STAT4: variants seen among roughly 807,000 people sequenced by gnomAD.
STAT4 encodes the protein signal transducer and activator of transcription 4.
In STAT4, 42 loss-of-function variants were observed where a neutral mutation model predicts 110.5. The observed-to-expected ratio is 0.38, with a 90% confidence interval of 0.30 to 0.49. STAT4 has a LOEUF of 0.49. Among genes scored for constraint, STAT4 ranks in the 20% least tolerant of loss-of-function variants. The pLI, the probability that STAT4 is intolerant of heterozygous loss-of-function variation, is 0.95. For synonymous variants in STAT4, 284 were observed against 302.2 expected, an observed-to-expected ratio of 0.94 and a Z score of 0.63; for missense variants, 632 against 887.9, an observed-to-expected ratio of 0.71 and a Z score of 3.66.
chr2:191,062,244 TG>T lies in STAT4; in HGVS notation c.942-424del, dbSNP rs531337462. ...TACATTTTTTATTTTTCTGTAGAGA[TG>T]GGGGTCTTTTTATGCTGTCCAGGCT... On this transcript the variant is annotated intron_variant, in intron 9 of 23. Coordinates refer to ENST00000392320, the MANE Select transcript of STAT4 (RefSeq NM_003151.4). This position sits in a 1 kb window ranked among gnomAD's most constrained non-coding sequence, Gnocchi z 4.9. Among the ~76,000 whole-genome samples the T allele has an allele frequency of 1.7e-3, 262 of 152,142 alleles. 1 individual carries two copies. The highest frequency in any genetic ancestry group is 3.0e-3 in the Non-Finnish European group (206 of 67,988).
chr2:191,129,556 T>C (rs1698974772), intron 3 of STAT4, among the ~76,000 whole-genome samples: 1 of 152,158 alleles, frequency 6.6e-6, no homozygotes, highest in Admixed American at 6.5e-5. Context: ...GGAGAGGTGA[T>C]AAATCCATGG....
intron 3 of STAT4, among the ~76,000 whole-genome samples, chr2:191,098,837 T>A (rs1237735738): frequency 6.6e-6 from 1 of 152,016 alleles, no homozygotes; most frequent in Non-Finnish European, 1.5e-5. Context: ...CAGGATAGAA[T>A]CCCTAGAAAC....
In STAT4 at chr2:191,043,074, C is replaced by G. The variant is rs11678704; in HGVS notation, c.1252-1926G>C. Among the ~76,000 whole-genome samples the G allele has an allele frequency of 1.4e-3, 214 of 152,288 alleles. No individual in the cohort carries two copies. The highest frequency in any genetic ancestry group is 3.4e-3 in the Middle Eastern group (1 of 294). On this transcript the variant is annotated intron_variant, in intron 14 of 23. Coordinates refer to ENST00000392320, the MANE Select transcript of STAT4 (RefSeq NM_003151.4). This position sits in a 1 kb window ranked among gnomAD's most constrained non-coding sequence, Gnocchi z 4.8. ...GATTACAGGCGTGAGCCACTGCGCC[C>G]GGCCGTATTCTCTATTCCTGTATAT...
chr2:191,131,261 T>G (rs1699029438), intron 3 of STAT4, among the ~76,000 whole-genome samples: 1 of 151,820 alleles, frequency 6.6e-6, no homozygotes, highest in African/African-American at 2.4e-5. Context: ...GGACACACCA[T>G]AAGAATGTTC....
chr2:191,147,420 ATT>A lies in STAT4; in HGVS notation c.128+654_128+655del. The stretch of plus-strand genomic sequence containing the variant: ...ATAAGTCAGTTACAAAAGGAAAAAT[ATT>A]GTGTGATTCCAATTATCTAAAGTAC... On this transcript the variant is annotated intron_variant, in intron 2 of 23. Coordinates refer to ENST00000392320, the MANE Select transcript of STAT4 (RefSeq NM_003151.4). The surrounding 1 kb of genome is among the most constrained non-coding windows in gnomAD (Gnocchi z 4.1). Among the ~76,000 whole-genome samples the A allele has an allele frequency of 6.6e-6, 1 of 152,306 alleles. No individual in the cohort carries two copies. Among genetic ancestry groups the A allele is most frequent in the South Asian group, 2.1e-4 (1 of 4,830 alleles).
rs1200183985 is a variant in STAT4, at chr2:191,091,767, T to C, written c.274-15442A>G. Among the ~76,000 whole-genome samples the C allele has an allele frequency of 1.3e-5, 2 of 152,194 alleles. No homozygotes were observed. The highest frequency in any genetic ancestry group is 2.4e-5 in the African/African-American group (1 of 41,440). On this transcript the variant is annotated intron_variant, in intron 3 of 23. Coordinates refer to ENST00000392320, the MANE Select transcript of STAT4 (RefSeq NM_003151.4). This position sits in a 1 kb window ranked among gnomAD's most constrained non-coding sequence, Gnocchi z 5.4. ...ATCCTGAGTATACAGCTAGGTAAAC[T>C]GAGATAAAGAACTGTTAAGTAACTT...
Position 191,113,220 on chromosome 2 carries a change from C to T in STAT4, c.273+33393G>A, listed in dbSNP as rs1698475937. Among the ~76,000 whole-genome samples the T allele has an allele frequency of 1.3e-5, 2 of 152,226 alleles. No individual in the cohort carries two copies. Among genetic ancestry groups the T allele is most frequent in the East Asian group, 3.8e-4 (2 of 5,202 alleles). On this transcript the variant is annotated intron_variant, in intron 3 of 23. Transcript: ENST00000392320. This position sits in a 1 kb window ranked among gnomAD's most constrained non-coding sequence, Gnocchi z 4.8. ...ACTGGTGCCACTCATTCATTTGTTC[C>T]ACAAATTTGTACTGAACAGCAATTA... is the stretch of plus-strand genomic sequence containing the variant.
chr2:191,101,675 T>C (rs1287620521), intron 3 of STAT4, among the ~76,000 whole-genome samples: 5 of 152,164 alleles, frequency 3.3e-5, no homozygotes, highest in Admixed American at 3.3e-4. Context: ...TGTTAAAGTG[T>C]CCTACTACTG....
chr2:191,085,173 A>C (rs1373692309), intron 3 of STAT4, among the ~76,000 whole-genome samples: 2 of 151,826 alleles, frequency 1.3e-5, no homozygotes, highest in Non-Finnish European at 2.9e-5. Flanking sequence ...TGCTCTTTTG[A>C]AATCTTTGAA....
At position 191,033,639 on chromosome 2, in the gene STAT4, C is replaced by T. The variant is rs1355284126; in HGVS notation, c.1716-13G>A. On this transcript the variant is annotated splice_polypyrimidine_tract_variant and intron_variant, in intron 19 of 23. Transcript: ENST00000392320. This position sits in a 1 kb window ranked among gnomAD's most constrained non-coding sequence, Gnocchi z 6.9. The stretch of plus-strand genomic sequence containing the variant: ...GCCCATGACATACCTAAAAATAGAA[C>T]ATGCATTATTTCATCTGATCATTAT... 2 of 1,609,576 alleles carry T rather than the reference C, an allele frequency of 1.2e-6. No homozygotes were observed. The highest frequency in any genetic ancestry group is 1.1e-5 in the South Asian group (1 of 90,048).
At chr2:191,125,661 T>G (rs910334318) in intron 3 of STAT4, among the ~76,000 whole-genome samples, 2 of 151,802 alleles carry the variant, frequency 1.3e-5, no homozygotes, top group Non-Finnish European at 2.9e-5. Context: ...CCAACTAATT[T>G]TTTGTAGAGA....
rs1696598042 is a variant in STAT4 at position 191,053,849 on chromosome 2, C to G, written c.1251+641G>C. Among the ~76,000 whole-genome samples the G allele has an allele frequency of 6.6e-6, 1 of 152,170 alleles. No homozygotes were observed. The highest frequency in any genetic ancestry group is 1.5e-5 in the Non-Finnish European group (1 of 68,032). On this transcript the variant is annotated intron_variant, in intron 14 of 23. Transcript: ENST00000392320. The surrounding 1 kb of genome is among the most constrained non-coding windows in gnomAD (Gnocchi z 4.5). The stretch of plus-strand genomic sequence containing the variant: ...AAATTATGGAAAACTGTTCTCCGGG[C>G]TGGGCACGGTGGCTCACGCCTATAA...
intron 3 of STAT4, among the ~76,000 whole-genome samples, chr2:191,096,352 T>C (rs537616561): frequency 7.2e-5 from 11 of 152,310 alleles, no homozygotes; most frequent in African/African-American, 2.6e-4. Flanking sequence ...CTGATGAACA[T>C]TGATGCGAAA....
intron 3 of STAT4, among the ~76,000 whole-genome samples, chr2:191,141,616 T>TATATATGTGTATATATACACACACACAC (rs1699338424): frequency 6.5e-5 from 9 of 138,684 alleles, no homozygotes; most frequent in African/African-American, 2.1e-4. Flanking sequence ...CACACACACA[T>TATATATGTGTATATATACACACACACAC]ATATATATAT....
At chr2:191,129,910 T>C (rs1490025253) in intron 3 of STAT4, among the ~76,000 whole-genome samples, 3 of 152,182 alleles carry the variant, frequency 2.0e-5, no homozygotes, top group African/African-American at 7.2e-5. Flanking sequence ...CAATTTAATA[T>C]ATATTATTTG....
At chr2:191,044,857 T>A (rs534067392) in intron 14 of STAT4, among the ~76,000 whole-genome samples, 2 of 152,140 alleles carry the variant, frequency 1.3e-5, no homozygotes, top group Admixed American at 6.5e-5. Context: ...GTGACAAGTA[T>A]GTAAATTAAT....
rs1346996620 is a variant in STAT4 at position 191,056,687 on chromosome 2, G to T, written c.1206+1331C>A. Among the ~76,000 whole-genome samples, 9 of 151,498 alleles carry T rather than the reference G, an allele frequency of 5.9e-5. No individual in the cohort carries two copies. In the South Asian group the frequency reaches 1.7e-3, roughly 28 times the overall value. On this transcript the variant is annotated intron_variant, in intron 13 of 23. Transcript: ENST00000392320. ...TCAAATTTGGGTAATTGAGATATCT[G>T]TAACCTATCTTTTCTTTGTGGTAGG... is the stretch of plus-strand genomic sequence containing the variant.
chr2:191,046,201 C>T lies in STAT4; in HGVS notation c.1252-5053G>A, dbSNP rs1696347565. On this transcript the variant is annotated intron_variant, in intron 14 of 23. Transcript: ENST00000392320. The surrounding 1 kb of genome is among the most constrained non-coding windows in gnomAD (Gnocchi z 4.6). ...CAAGTGCACAGATAGAGACCCAATA[C>T]TGTATATAAAACATTTAACCATTAT... Among the ~76,000 whole-genome samples, 1 of 152,236 alleles carries T rather than the reference C, an allele frequency of 6.6e-6. No individual in the cohort carries two copies. The highest frequency in any genetic ancestry group is 1.5e-5 in the Non-Finnish European group (1 of 68,042).
At chr2:191,036,449 T>G (rs949986286) in intron 16 of STAT4, 150 bp from the exon 17 acceptor site, 2 of 835,860 alleles carry the variant, frequency 2.4e-6, no homozygotes, top group African/African-American at 3.4e-5. Flanking sequence ...AGTTAACTGT[T>G]TCTCTAAAGT....
Sources: allele counts gnomAD v4.1 joint callset (sites outside exome capture counted in the v4.1 genomes callset), GRCh38; gene constraint gnomAD v4.1.1; non-coding constraint Gnocchi (gnomAD v3.1); transcripts MANE v1.5; gene names NCBI Gene and HGNC (gene_info 2026-07-23, HGNC 2026-07-21).